The following BORCS5 variants were observed in gnomAD, a reference collection of about 807,000 sequenced individuals.
BORCS5 encodes the protein BLOC-1 related complex subunit 5.
Under a neutral mutation model 22.1 loss-of-function variants are expected in BORCS5, and 17 were observed. The observed-to-expected ratio is 0.77, with a 90% CI of 0.53 to 1.15. The LOEUF (loss-of-function observed/expected upper bound fraction) is 1.15, where lower values mean the gene tolerates loss of function less well. BORCS5 is among the 50% of genes most tolerant of loss of function. The pLI is 0.00. For missense variants in BORCS5, 247 were observed against 253.2 expected (o/e 0.98, Z 0.17); for synonymous variants, 117 against 99.8 (o/e 1.17, Z -1.03).
chr12:12,393,105 G>A (rs112997132), intron 2 of BORCS5, among the ~76,000 whole-genome samples: 1,950 of 152,128 alleles, frequency 0.013, 34 homozygotes, highest in South Asian at 0.031. Flanking sequence ...GCACAGTGGT[G>A]CATGCCTGTA....
At chr12:12,445,487 C>T (rs918038756) in intron 3 of BORCS5, among the ~76,000 whole-genome samples, 12 of 60,410 alleles carry the variant, frequency 2.0e-4, no homozygotes, top group African/African-American at 7.1e-4. Flanking sequence ...CTATCTTGAA[C>T]ATGCATTGCT....
chr12:12,423,315 A>G (rs1357783403), intron 2 of BORCS5, among the ~76,000 whole-genome samples: 3 of 151,714 alleles, frequency 2.0e-5, no homozygotes, highest in Admixed American at 1.3e-4. Flanking sequence ...AATTTGCCAT[A>G]TATTTACCTT....
intron 2 of BORCS5, among the ~76,000 whole-genome samples, chr12:12,383,346 C>T (rs1378540701): frequency 6.6e-6 from 1 of 151,292 alleles, no homozygotes; most frequent in African/African-American, 2.4e-5. Context: ...AAACCCAAAA[C>T]ACAGTGTCAT....
At chr12:12,374,668 C>T (rs900807261) in intron 2 of BORCS5, among the ~76,000 whole-genome samples, 1 of 150,998 alleles carries the variant, frequency 6.6e-6, no homozygotes, top group Non-Finnish European at 1.5e-5. Context: ...AAAAAGAATT[C>T]TTAACCAGGT....
At chr12:12,370,709 T>C (rs981371835) in intron 2 of BORCS5, among the ~76,000 whole-genome samples, 4 of 152,178 alleles carry the variant, frequency 2.6e-5, no homozygotes, top group African/African-American at 9.6e-5. Flanking sequence ...CTCAAAATGT[T>C]CCAAAATTGG....
intron 2 of BORCS5, among the ~76,000 whole-genome samples, chr12:12,367,366 A>G (rs1488415358): frequency 2.0e-5 from 3 of 152,216 alleles, no homozygotes; most frequent in Admixed American, 6.5e-5. Flanking sequence ...GGACAAGAGA[A>G]TGGATCTTAA....
At chr12:12,445,554 TA>T (rs1238987252) in intron 3 of BORCS5, among the ~76,000 whole-genome samples, 3 of 119,440 alleles carry the variant, frequency 2.5e-5, no homozygotes, top group African/African-American at 1.2e-4. Context: ...TTTTTTTTTT[TA>T]AACTGATGGG....
intron 2 of BORCS5, among the ~76,000 whole-genome samples, chr12:12,422,102 T>A (rs539017331): frequency 6.6e-6 from 1 of 152,126 alleles, no homozygotes; most frequent in South Asian, 2.1e-4. Flanking sequence ...AGCTTTTGAA[T>A]TTGTTTGTTC....
chr12:12,378,162 A>G (rs1383036370), intron 2 of BORCS5, among the ~76,000 whole-genome samples: 2 of 152,214 alleles, frequency 1.3e-5, no homozygotes, highest in East Asian at 3.8e-4. Flanking sequence ...ACCTCAGGTC[A>G]GGAATTTGAG....
At chr12:12,367,622 TACTC>T (rs1401753595) in intron 2 of BORCS5, among the ~76,000 whole-genome samples, 3 of 152,246 alleles carry the variant, frequency 2.0e-5, no homozygotes, top group African/African-American at 7.2e-5. Flanking sequence ...GGGTTAGCCT[TACTC>T]AGAAGAGTGG....
At chr12:12,389,379 C>T (rs1863952360) in intron 2 of BORCS5, among the ~76,000 whole-genome samples, 1 of 150,858 alleles carries the variant, frequency 6.6e-6, no homozygotes, top group Non-Finnish European at 1.5e-5. Context: ...CTTAGGTGAT[C>T]CACCCGCCTT....
chr12:12,357,566 G>A lies in BORCS5; in HGVS notation c.58+57G>A, dbSNP rs1863172338. The A allele has an allele frequency of 1.9e-6, 3 of 1,560,510 alleles. No individual in the cohort carries two copies. In the East Asian group the frequency reaches 6.9e-5, roughly 36 times the overall value. On this transcript the variant is annotated intron_variant, in intron 1 of 3. Coordinates refer to ENST00000314565, the MANE Select transcript of BORCS5 (RefSeq NM_058169.6). ...CCCGCCCTGTCCCCTTGCAGAGCGGGCTGCCTCCCAGACTAGGGTCAGGGA... is the reference window on the plus strand; with the variant it reads ...CCCGCCCTGTCCCCTTGCAGAGCGGACTGCCTCCCAGACTAGGGTCAGGGA...
chr12:12,434,059 G>A (rs929751820), intron 2 of BORCS5, among the ~76,000 whole-genome samples: 1 of 151,936 alleles, frequency 6.6e-6, no homozygotes, highest in Non-Finnish European at 1.5e-5. Flanking sequence ...ACACTGAGGC[G>A]GGAGGATCGC....
intron 2 of BORCS5, among the ~76,000 whole-genome samples, chr12:12,365,086 A>G (rs1450877327): frequency 6.6e-6 from 1 of 152,224 alleles, no homozygotes; most frequent in African/African-American, 2.4e-5. Flanking sequence ...TTTGCCACCA[A>G]CTATTATGTT....
rs181593657 is a variant in BORCS5, at chr12:12,370,016, C to T, written c.202+8667C>T. ...CTGGAATTACAGGCATGAGCCACCA[C>T]GCCCGGCCCACCTTCACTTCTTTGT... On this transcript the variant is annotated intron_variant, in intron 2 of 3. Transcript: ENST00000314565. 1.6e-3 allele frequency among the ~76,000 whole-genome samples: 244 copies of T among 151,322 alleles called. 1 individual carries two copies. Among genetic ancestry groups the T allele is most frequent in the Non-Finnish European group, 2.5e-3 (170 of 67,908 alleles).
At chr12:12,424,656 G>A (rs944147116) in intron 2 of BORCS5, among the ~76,000 whole-genome samples, 1 of 150,314 alleles carries the variant, frequency 6.7e-6, no homozygotes, top group East Asian at 2.0e-4. Flanking sequence ...TATGGTAACT[G>A]TGGAAACAGA....
At chr12:12,391,049 T>C (rs1237812885) in intron 2 of BORCS5, among the ~76,000 whole-genome samples, 1 of 152,132 alleles carries the variant, frequency 6.6e-6, no homozygotes, top group Non-Finnish European at 1.5e-5. Context: ...GTTCCAACTC[T>C]GTGCCTTCAG....
rs188466798 is a variant in BORCS5, at chr12:12,458,711, G to A, written c.361-6835G>A. Among the ~76,000 whole-genome samples, 337 of 150,576 alleles carry A rather than the reference G, an allele frequency of 2.2e-3. 2 individuals carry two copies. The highest frequency in any genetic ancestry group is 7.4e-3 in the African/African-American group (305 of 41,136). On this transcript the variant is annotated intron_variant, in intron 3 of 3. Transcript: ENST00000314565. ...CTCCTGGCTGGCCACGGTGGCTCACGCTTGTAATCCCAGCACTTTGGGAGG... is the reference window on the plus strand; with the variant it reads ...CTCCTGGCTGGCCACGGTGGCTCACACTTGTAATCCCAGCACTTTGGGAGG...
At chr12:12,456,653 C>T (rs1943003414) in intron 3 of BORCS5, among the ~76,000 whole-genome samples, 1 of 151,566 alleles carries the variant, frequency 6.6e-6, no homozygotes, top group African/African-American at 2.4e-5. Flanking sequence ...TTATTTTTAC[C>T]ATATTGGATA....
Sources: allele counts gnomAD v4.1 joint callset (sites outside exome capture counted in the v4.1 genomes callset), GRCh38; gene constraint gnomAD v4.1.1; transcripts MANE v1.5; gene names NCBI Gene and HGNC (gene_info 2026-07-23, HGNC 2026-07-21).